Variants in GPR158 observed in about 807,000 individuals in gnomAD.
GPR158 encodes metabotropic glycine receptor.
GPR158 carries 30 observed loss-of-function variants against 78.2 expected under a neutral mutation model. The ratio of observed to expected loss-of-function variants is 0.38; its 90% CI spans 0.29 to 0.52. GPR158 has a LOEUF of 0.52. Ranked by LOEUF, GPR158 falls within the 20% of genes least tolerant of loss-of-function variation. The pLI, the probability that GPR158 is intolerant of heterozygous loss-of-function variation, is 0.83. For missense variants in GPR158, 1,463 were observed against 1,523.5 expected, an observed-to-expected ratio of 0.96 and a Z score of 0.66; for synonymous variants, 581 against 591.1, an observed-to-expected ratio of 0.98 and a Z score of 0.25.
intron 7 of GPR158, among the ~76,000 whole-genome samples, chr10:25,575,800 A>AAAAT (rs1328626737): frequency 1.3e-5 from 2 of 152,080 alleles, no homozygotes; most frequent in African/African-American, 4.8e-5. Flanking sequence ...TACTTGAAAA[A>AAAAT]AAATAAACAG....
At chr10:25,235,770 A>G (rs1853514210) in intron 2 of GPR158, among the ~76,000 whole-genome samples, 1 of 141,346 alleles carries the variant, frequency 7.1e-6, no homozygotes, top group African/African-American at 2.6e-5. Context: ...GATCTCAGTT[A>G]ACTGCAAGTT....
Position 25,552,540 on chromosome 10 carries a change from G to T in GPR158, c.1514+1455G>T, listed in dbSNP as rs559288009. ...ATTATAATACTTATGGTGCCTTATA[G>T]TTTTCTTATTTGTCTTCACTTTCAT... On this transcript the variant is annotated intron_variant, in intron 6 of 10. Transcript: ENST00000376351. Among the ~76,000 whole-genome samples, 5 of 152,302 alleles carry T rather than the reference G, an allele frequency of 3.3e-5. No individual in the cohort carries two copies. The East Asian group carries it at 9.7e-4, about 29-fold the overall frequency.
intron 4 of GPR158, among the ~76,000 whole-genome samples, chr10:25,434,924 G>A (rs1332694617): frequency 5.3e-5 from 6 of 112,286 alleles, no homozygotes; most frequent in African/African-American, 1.9e-4. Flanking sequence ...GGACAGTCTA[G>A]GCAGAAAGAT....
chr10:25,543,901 C>T (rs1836623856), intron 5 of GPR158, among the ~76,000 whole-genome samples: 1 of 152,154 alleles, frequency 6.6e-6, no homozygotes, highest in Non-Finnish European at 1.5e-5. Context: ...AAACACACAC[C>T]GAGGTACATC....
At chr10:25,374,008 G>T (rs1424021828) in intron 2 of GPR158, among the ~76,000 whole-genome samples, 1 of 151,462 alleles carries the variant, frequency 6.6e-6, no homozygotes, top group Admixed American at 6.6e-5. Context: ...TACCATTACT[G>T]CAAAAAAATG....
At chr10:25,576,815 G>A (rs16926123) in intron 7 of GPR158, among the ~76,000 whole-genome samples, 13,938 of 152,064 alleles carry the variant, frequency 0.092, 814 homozygotes, top group African/African-American at 0.16. Context: ...GGGTCTCTTA[G>A]AAAATCAAGA....
chr10:25,406,349 G>A (rs11014529), intron 3 of GPR158, among the ~76,000 whole-genome samples: 13,568 of 152,090 alleles, frequency 0.089, 674 homozygotes, highest in East Asian at 0.17. Flanking sequence ...GATCCCAGCA[G>A]GATTGATCCC....
intron 7 of GPR158, among the ~76,000 whole-genome samples, chr10:25,574,898 A>AT (rs1385400802): frequency 1.8e-4 from 28 of 152,020 alleles, no homozygotes; most frequent in African/African-American, 3.9e-4. Flanking sequence ...GAAATAAAAA[A>AT]CAAAAAAAAT....
intron 5 of GPR158, among the ~76,000 whole-genome samples, chr10:25,515,407 T>A (rs1161301808): frequency 6.6e-6 from 1 of 151,204 alleles, no homozygotes; most frequent in East Asian, 1.9e-4. Context: ...TTAGGGTACA[T>A]GTGCACATTG....
chr10:25,202,736 G>A (rs1420975197), intron 1 of GPR158, among the ~76,000 whole-genome samples: 1 of 152,166 alleles, frequency 6.6e-6, no homozygotes, highest in Non-Finnish European at 1.5e-5. Flanking sequence ...TGCCTTTATA[G>A]CAGCATGATG....
chr10:25,572,519 A>G lies in GPR158; in HGVS notation c.1515-130A>G, dbSNP rs909757602. On this transcript the variant is annotated intron_variant, in intron 6 of 10. Transcript: ENST00000376351. Reference sequence around the variant, plus strand: ...CCCTGTCTCTACAACAAAAACAAATACAAAACAAAGCAAACTCTGATTAGC... The same window carrying G: ...CCCTGTCTCTACAACAAAAACAAATGCAAAACAAAGCAAACTCTGATTAGC... 9.0e-5 allele frequency: 65 copies of G among 724,456 alleles called. No individual in the cohort carries two copies. The South Asian group carries it at 9.7e-4, about 11-fold the overall frequency. The allele number at this position is 724,456 out of a possible 1,614,324, so 44.9% of individuals were successfully genotyped here.
chr10:25,358,891 T>C (rs1855589440), intron 2 of GPR158, among the ~76,000 whole-genome samples: 1 of 152,134 alleles, frequency 6.6e-6, no homozygotes, highest in South Asian at 2.1e-4. Context: ...ATTATGGCTA[T>C]ACTGAAGAAT....
At chr10:25,281,008 G>A (rs557320323) in intron 2 of GPR158, among the ~76,000 whole-genome samples, 22 of 151,738 alleles carry the variant, frequency 1.4e-4, no homozygotes, top group Non-Finnish European at 2.5e-4. Flanking sequence ...GGTGGTATGC[G>A]CCTGTAATCT....
intron 2 of GPR158, among the ~76,000 whole-genome samples, chr10:25,326,600 G>C (rs905641105): frequency 6.6e-6 from 1 of 152,160 alleles, no homozygotes. Flanking sequence ...GTTGCCAGGA[G>C]ATAGGGGCTG....
chr10:25,441,598 C>T (rs889548300), intron 4 of GPR158, among the ~76,000 whole-genome samples: 2 of 152,174 alleles, frequency 1.3e-5, no homozygotes, highest in African/African-American at 4.8e-5. Context: ...CAGACTCCTT[C>T]TCAGACCTTA....
At chr10:25,441,807 C>T (rs547010433) in intron 4 of GPR158, among the ~76,000 whole-genome samples, 75 of 152,214 alleles carry the variant, frequency 4.9e-4, no homozygotes, top group South Asian at 1.2e-3. Flanking sequence ...TTGTGTTTGT[C>T]ACAATCACAT....
intron 5 of GPR158, among the ~76,000 whole-genome samples, chr10:25,524,572 C>A: frequency 6.6e-6 from 1 of 152,138 alleles, no homozygotes; most frequent in East Asian, 1.9e-4. Flanking sequence ...GCTAGAAGAA[C>A]TGGATATCCA....
At chr10:25,560,884 G>T (rs1836851046) in intron 6 of GPR158, among the ~76,000 whole-genome samples, 1 of 152,032 alleles carries the variant, frequency 6.6e-6, no homozygotes, top group Admixed American at 6.5e-5. Context: ...TTTCAATCTG[G>T]ACAATCTTGA....
chr10:25,318,715 G>A (rs56084254), intron 2 of GPR158, among the ~76,000 whole-genome samples: 30,742 of 151,948 alleles, frequency 0.2, 5,242 homozygotes, highest in African/African-American at 0.47. Flanking sequence ...ATTTTTGTTC[G>A]TATGATCACC....
Sources: allele counts gnomAD v4.1 joint callset (sites outside exome capture counted in the v4.1 genomes callset), GRCh38; gene constraint gnomAD v4.1.1; transcripts MANE v1.5; gene names NCBI Gene and HGNC (gene_info 2026-07-23, HGNC 2026-07-21).